RAD54B: variants seen among roughly 807,000 people sequenced by gnomAD.
RAD54B encodes DNA repair and recombination protein RAD54B.
RAD54B carries 78 observed loss-of-function variants against 95.8 expected under a neutral mutation model. That is an observed-to-expected ratio of 0.81 (90% CI 0.68 to 0.98). The LOEUF (loss-of-function observed/expected upper bound fraction) is 0.98, where lower values mean the gene tolerates loss of function less well. Ranked by LOEUF, RAD54B falls within the 50% of genes least tolerant of loss-of-function variation. The pLI, the probability that RAD54B is intolerant of heterozygous loss-of-function variation, is 0.00. For missense variants in RAD54B, 957 were observed against 1,056.6 expected (o/e 0.91, Z 1.31); for synonymous variants, 328 against 354.9 (o/e 0.92, Z 0.85).
At chr8:94,376,399 A>G (rs1373854706) in intron 14 of RAD54B, among the ~76,000 whole-genome samples, 1 of 152,132 alleles carries the variant, frequency 6.6e-6, no homozygotes, top group African/African-American at 2.4e-5. Flanking sequence ...AGGAAAATGT[A>G]TAGTCTTAAA....
At chr8:94,468,414 A>C (rs1050041835) in intron 1 of RAD54B, among the ~76,000 whole-genome samples, 1 of 152,118 alleles carries the variant, frequency 6.6e-6, no homozygotes, top group Non-Finnish European at 1.5e-5. Context: ...TGACATATGT[A>C]AAAAGGTAAA....
chr8:94,422,608 AAAAAAAAAAATATATATATATATATATAT>A (rs1365661614), intron 3 of RAD54B, among the ~76,000 whole-genome samples: 88 of 100,758 alleles, frequency 8.7e-4, no homozygotes, highest in African/African-American at 4.3e-3. Flanking sequence ...AAAAAAAAAA[AAAAAAAAAAATATATATATATATATATAT>A]ATATATATAT....
At chr8:94,423,626 G>A (rs1240381539) in intron 3 of RAD54B, among the ~76,000 whole-genome samples, 1 of 152,114 alleles carries the variant, frequency 6.6e-6, no homozygotes, top group Admixed American at 6.5e-5. Context: ...AACTTAACCA[G>A]TTTTTAGATA....
chr8:94,398,978 G>A (rs146327093), intron 8 of RAD54B, among the ~76,000 whole-genome samples: 284 of 152,014 alleles, frequency 1.9e-3, no homozygotes, highest in African/African-American at 6.6e-3. Context: ...CACTTACCAC[G>A]TGTCAGGTAG....
intron 2 of RAD54B, 126 bp downstream of exon 2, chr8:94,467,279 G>A: frequency 1.2e-6 from 1 of 840,186 alleles, no homozygotes; most frequent in South Asian, 2.4e-5. Flanking sequence ...AAGGTTTTTA[G>A]AAGATGTTTT....
intron 3 of RAD54B, chr8:94,428,494 A>T: frequency 8.2e-6 from 2 of 244,546 alleles, no homozygotes; most frequent in South Asian, 1.5e-4. Context: ...ACTTTAAATC[A>T]TCTCTAGATT....
At chr8:94,461,022 C>T (rs1281774344) in intron 2 of RAD54B, among the ~76,000 whole-genome samples, 3 of 152,014 alleles carry the variant, frequency 2.0e-5, no homozygotes, top group Admixed American at 1.3e-4. Flanking sequence ...TGTAAAGTAA[C>T]ACAGATTCCA....
At position 94,411,333 on chromosome 8, in the gene RAD54B, A is replaced by G. The variant is rs747924472; in HGVS notation, c.305-18T>C. 10 of 1,534,850 alleles carry G rather than the reference A, an allele frequency of 6.5e-6. No individual in the cohort carries two copies. Among genetic ancestry groups the G allele is most frequent in the Non-Finnish European group, 8.7e-6 (10 of 1,150,302 alleles). The stretch of plus-strand genomic sequence containing the variant: ...CGAATGAACTACAATTAAAAAAAAA[A>G]CACACATTATTAAAAATGACTTTAA... On this transcript the variant is annotated intron_variant, in intron 3 of 14. Transcript: ENST00000336148.
chr8:94,452,937 C>T (rs1365011003), intron 3 of RAD54B, among the ~76,000 whole-genome samples: 1 of 152,120 alleles, frequency 6.6e-6, no homozygotes, highest in African/African-American at 2.4e-5. Context: ...ATAGATTGAG[C>T]ATCACAATAC....
chr8:94,376,991 T>C (rs1810592129), intron 14 of RAD54B, among the ~76,000 whole-genome samples: 1 of 152,184 alleles, frequency 6.6e-6, no homozygotes, highest in South Asian at 2.1e-4. Context: ...AACTTTCAGC[T>C]ACTAGACATT....
In RAD54B at chr8:94,411,278, T is replaced by C. The variant is rs1197704971; in HGVS notation, c.342A>G (p.Glu114=). The C allele has an allele frequency of 2.5e-6, 4 of 1,599,370 alleles. No homozygotes were observed. The highest frequency in any genetic ancestry group is 3.6e-5 in the Admixed American group (2 of 55,272). The change falls in exon 4 of 15, where the codon GAA becomes GAG. Residue 114 remains glutamate (E), a synonymous_variant. Coordinates refer to ENST00000336148, the MANE Select transcript of RAD54B (RefSeq NM_012415.3). ...SAPKEVAVSK[E]QEEKSDSLVK... ...CTAGGCTATCAGATTTCTCTTCTTG[T>C]TCCTTGGACACTGCTACTTCTTTAG...
chr8:94,432,356 A>G (rs1812122517), intron 3 of RAD54B: 3 of 1,550,256 alleles, frequency 1.9e-6, no homozygotes, highest in African/African-American at 1.4e-5. Context: ...ATAGTGACCT[A>G]AAGTGTTCAC....
At chr8:94,422,103 C>T (rs548216188) in intron 3 of RAD54B, among the ~76,000 whole-genome samples, 18 of 152,160 alleles carry the variant, frequency 1.2e-4, no homozygotes, top group African/African-American at 4.3e-4. Flanking sequence ...ACCCTATTAC[C>T]TCAACATTAT....
chr8:94,384,037 G>A lies in RAD54B; in HGVS notation c.1985+2947C>T, dbSNP rs553877626. On this transcript the variant is annotated intron_variant, in intron 11 of 14. Transcript: ENST00000336148. ...TCCACTTCTGGATTTATATCCAAAA[G>A]AATTTAATGGGTGCAGCAAACCAAC... Among the ~76,000 whole-genome samples the A allele has an allele frequency of 9.2e-5, 14 of 152,146 alleles. 1 individual carries two copies. In the South Asian group the frequency reaches 2.5e-3, roughly 27 times the overall value.
intron 12 of RAD54B, among the ~76,000 whole-genome samples, chr8:94,379,834 G>A (rs1351971456): frequency 2.0e-5 from 3 of 152,134 alleles, no homozygotes; most frequent in Non-Finnish European, 4.4e-5. Context: ...ACACCCTAAA[G>A]GCCAACTCTG....
intron 10 of RAD54B, among the ~76,000 whole-genome samples, chr8:94,390,373 G>A (rs1365727885): frequency 6.0e-5 from 9 of 150,954 alleles, no homozygotes; most frequent in Non-Finnish European, 1.2e-4. Context: ...GGTGGCAGGC[G>A]CCTGTAATCC....
At chr8:94,392,597 A>C (rs1249592413) in intron 9 of RAD54B, among the ~76,000 whole-genome samples, 1 of 146,154 alleles carries the variant, frequency 6.8e-6, no homozygotes, top group Non-Finnish European at 1.5e-5. Flanking sequence ...CTAAGTTTTT[A>C]TTTCGTTTTA....
intron 2 of RAD54B, among the ~76,000 whole-genome samples, chr8:94,463,036 C>T (rs1001610813): frequency 1.3e-5 from 2 of 151,754 alleles, no homozygotes; most frequent in East Asian, 1.9e-4. Context: ...ATTAGCTAGG[C>T]GTGGCGGCAG....
intron 3 of RAD54B, among the ~76,000 whole-genome samples, chr8:94,413,827 C>CT (rs34318667): frequency 4.3e-5 from 6 of 139,196 alleles, no homozygotes; most frequent in South Asian, 2.3e-4. Context: ...AATAATTATT[C>CT]TTTTTTTTTT....
Sources: allele counts gnomAD v4.1 joint callset (sites outside exome capture counted in the v4.1 genomes callset), GRCh38; gene constraint gnomAD v4.1.1; transcripts MANE v1.5; gene names NCBI Gene and HGNC (gene_info 2026-07-23, HGNC 2026-07-21).